The following KHDRBS2 variants were observed in gnomAD, a reference collection of about 807,000 sequenced individuals.
The protein encoded by KHDRBS2 is KH RNA binding domain containing, signal transduction associated 2, also known as KH domain-containing, RNA-binding, signal transduction-associated protein 2.
A neutral mutation model predicts 44.3 loss-of-function variants in KHDRBS2; 26 were observed. That is an observed-to-expected ratio of 0.59 (90% confidence interval 0.43 to 0.81). The LOEUF is 0.81. Among genes scored for constraint, KHDRBS2 ranks in the 40% least tolerant of loss-of-function variants. KHDRBS2 has a pLI of 0.00. For missense variants in KHDRBS2, 476 were observed against 433.1 expected, an observed-to-expected ratio of 1.10 and a Z score of -0.88; for synonymous variants, 194 against 151.1, an observed-to-expected ratio of 1.28 and a Z score of -2.08.
chr6:61,770,868 C>A (rs997041761), intron 6 of KHDRBS2, among the ~76,000 whole-genome samples: 2 of 152,054 alleles, frequency 1.3e-5, no homozygotes, highest in Non-Finnish European at 2.9e-5. Flanking sequence ...AAGAGCAACT[C>A]CAAGACACAT....
downstream of KHDRBS2, chr6:61,678,929 G>C (rs141086204): frequency 4.6e-5 from 7 of 151,954 alleles, no homozygotes; most frequent in Non-Finnish European, 7.4e-5. Flanking sequence ...TCAATTATGT[G>C]TTCTTTGTTT....
intron 6 of KHDRBS2, among the ~76,000 whole-genome samples, chr6:61,844,150 A>G (rs1655328962): frequency 6.6e-6 from 1 of 152,140 alleles, no homozygotes. Context: ...GGCAAAAATA[A>G]ATATACTTTA....
the KHDRBS2 span, among the ~76,000 whole-genome samples, chr6:61,550,728 T>C: frequency 6.6e-6 from 1 of 151,402 alleles, no homozygotes; most frequent in Non-Finnish European, 1.5e-5. Context: ...TTTTTTTTAC[T>C]TCTTAATAAC....
intron 1 of KHDRBS2, among the ~76,000 whole-genome samples, chr6:62,182,800 AT>A (rs1822604462): frequency 6.6e-6 from 1 of 151,914 alleles, no homozygotes; most frequent in Non-Finnish European, 1.5e-5. Context: ...TTTCAAAAAT[AT>A]TTTTAATACC....
At chr6:62,120,478 A>C (rs1192797387) in intron 2 of KHDRBS2, among the ~76,000 whole-genome samples, 1 of 152,158 alleles carries the variant, frequency 6.6e-6, no homozygotes, top group African/African-American at 2.4e-5. Context: ...AAGCAATGGG[A>C]ATAATTGGAT....
the KHDRBS2 span, among the ~76,000 whole-genome samples, chr6:61,550,510 G>A: frequency 6.6e-6 from 1 of 152,160 alleles, no homozygotes; most frequent in Non-Finnish European, 1.5e-5. Context: ...ATGAGTGCAT[G>A]TGTCTTTATG....
intron 6 of KHDRBS2, among the ~76,000 whole-genome samples, chr6:61,844,526 C>G (rs1432079413): frequency 6.6e-6 from 1 of 152,122 alleles, no homozygotes; most frequent in Non-Finnish European, 1.5e-5. Context: ...AATGACCTCA[C>G]TTCTAGTACC....
intron 5 of KHDRBS2, among the ~76,000 whole-genome samples, chr6:61,900,610 G>C (rs1803798713): frequency 1.3e-5 from 2 of 152,054 alleles, no homozygotes; most frequent in South Asian, 4.1e-4. Flanking sequence ...AATCCTCTCT[G>C]ATCACCAAGA....
intron 6 of KHDRBS2, among the ~76,000 whole-genome samples, chr6:61,804,711 T>G (rs558392441): frequency 2.1e-4 from 32 of 152,342 alleles, no homozygotes; most frequent in Admixed American, 8.5e-4. Flanking sequence ...GCTTATGGCT[T>G]GCACCCTCTG....
chr6:61,557,257 G>T, the KHDRBS2 span, among the ~76,000 whole-genome samples: 1 of 152,030 alleles, frequency 6.6e-6, no homozygotes, highest in Non-Finnish European at 1.5e-5. Flanking sequence ...GTTTAGTAAT[G>T]CTCTTCACAG....
intron 1 of KHDRBS2, among the ~76,000 whole-genome samples, chr6:62,200,838 A>C (rs1826811099): frequency 6.6e-6 from 1 of 152,228 alleles, no homozygotes; most frequent in Non-Finnish European, 1.5e-5. Flanking sequence ...ACCAACCCAA[A>C]TGTCCAACAA....
chr6:62,135,603 A>T (rs1288127232), intron 2 of KHDRBS2, among the ~76,000 whole-genome samples: 1 of 152,180 alleles, frequency 6.6e-6, no homozygotes, highest in African/African-American at 2.4e-5. Flanking sequence ...ATTACTCAGT[A>T]TGGCTAAGAT....
rs570445840 is a variant in KHDRBS2 at position 62,276,868 on chromosome 6, G to T, written c.91+8990C>A. ...TAATGGTTACACGTGGCATCTAGGT[G>T]AAAAGGCCTGGGTTTCAACTTTACA... On this transcript the variant is annotated intron_variant, in intron 1 of 8. Coordinates refer to ENST00000281156, the MANE Select transcript of KHDRBS2 (RefSeq NM_152688.4). Among the ~76,000 whole-genome samples, 16 of 152,270 alleles carry T rather than the reference G, an allele frequency of 1.1e-4. 1 individual carries two copies. The highest frequency in any genetic ancestry group is 5.9e-4 in the Admixed American group (9 of 15,284).
chr6:62,284,975 T>G (rs1842280246), intron 1 of KHDRBS2, among the ~76,000 whole-genome samples: 1 of 152,100 alleles, frequency 6.6e-6, no homozygotes, highest in African/African-American at 2.4e-5. Context: ...TCATTATTAA[T>G]GAAGCATTCA....
At chr6:61,575,167 TAAAC>T in the KHDRBS2 span, among the ~76,000 whole-genome samples, 1 of 151,346 alleles carries the variant, frequency 6.6e-6, no homozygotes, top group Admixed American at 6.6e-5. Flanking sequence ...ATCAGCAGAG[TAAAC>T]AGACAGCCCA....
At chr6:62,173,544 T>A (rs1820496357) in intron 2 of KHDRBS2, among the ~76,000 whole-genome samples, 1 of 151,602 alleles carries the variant, frequency 6.6e-6, no homozygotes, top group Non-Finnish European at 1.5e-5. Flanking sequence ...CTGAAACTAT[T>A]CCAAACTCTA....
At position 61,850,666 on chromosome 6, in the gene KHDRBS2, G is replaced by T. The variant is rs1422318256; in HGVS notation, c.810+43969C>A. On this transcript the variant is annotated intron_variant, in intron 6 of 8. Coordinates refer to ENST00000281156, the MANE Select transcript of KHDRBS2 (RefSeq NM_152688.4). ...AGAGAATTTTTTCCAATAAAATTTA[G>T]TTATTGTAATTTCAGGCACTAGTTT... Among the ~76,000 whole-genome samples, 4 of 152,130 alleles carry T rather than the reference G, an allele frequency of 2.6e-5. No individual in the cohort carries two copies. The East Asian group carries it at 7.7e-4, about 29-fold the overall frequency.
chr6:61,597,759 CATAT>C, the KHDRBS2 span, among the ~76,000 whole-genome samples: 15 of 50,100 alleles, frequency 3.0e-4, no homozygotes, highest in Non-Finnish European at 5.1e-4. Context: ...TATATATATA[CATAT>C]ATATATATAT....
intron 2 of KHDRBS2, among the ~76,000 whole-genome samples, chr6:62,154,081 G>T (rs557945645): frequency 6.6e-6 from 1 of 152,160 alleles, no homozygotes; most frequent in Non-Finnish European, 1.5e-5. Context: ...GCCCTTCCCA[G>T]ACAAGACAAA....
Sources: allele counts gnomAD v4.1 joint callset (sites outside exome capture counted in the v4.1 genomes callset), GRCh38; gene constraint gnomAD v4.1.1; transcripts MANE v1.5; gene names NCBI Gene and HGNC (gene_info 2026-07-23, HGNC 2026-07-21).